PLCG2: variants seen among roughly 807,000 people sequenced by gnomAD.
The protein encoded by PLCG2 is 1-phosphatidylinositol 4,5-bisphosphate phosphodiesterase gamma-2.
A neutral mutation model predicts 175.6 loss-of-function variants in PLCG2; 69 were observed. The observed-to-expected ratio is 0.39, with a 90% CI of 0.32 to 0.48. PLCG2 has a LOEUF of 0.48. Among genes scored for constraint, PLCG2 ranks in the 20% least tolerant of loss-of-function variants. The pLI is 0.91. For synonymous variants in PLCG2, 827 were observed against 624.0 expected, an observed-to-expected ratio of 1.33 and a Z score of -4.85; for missense variants, 1,798 against 1,650.9, an observed-to-expected ratio of 1.09 and a Z score of -1.54.
chr16:81,867,383 T>C (rs1443259278), intron 5 of PLCG2, among the ~76,000 whole-genome samples: 1 of 152,204 alleles, frequency 6.6e-6, no homozygotes, highest in Non-Finnish European at 1.5e-5. Context: ...TCACTTCTCC[T>C]TCTTGTGTGA....
intron 2 of PLCG2, among the ~76,000 whole-genome samples, chr16:81,827,570 G>C (rs779725277): frequency 2.0e-4 from 30 of 152,050 alleles, no homozygotes; most frequent in Non-Finnish European, 3.1e-4. Context: ...AGCTGGATAG[G>C]TGACCTAAAT....
chr16:81,760,905 TTTTG>T (rs1027218497), intron 2 of PLCG2, among the ~76,000 whole-genome samples: 7 of 151,690 alleles, frequency 4.6e-5, no homozygotes, highest in South Asian at 2.1e-4. Context: ...GGCTTAAAAT[TTTTG>T]TTTGTTTGTT....
chr16:81,811,450 G>A (rs375351011), intron 2 of PLCG2, among the ~76,000 whole-genome samples: 1 of 152,108 alleles, frequency 6.6e-6, no homozygotes, highest in Non-Finnish European at 1.5e-5. Context: ...CTGGGAACTG[G>A]TTTCAGGATG....
intron 1 of PLCG2, among the ~76,000 whole-genome samples, chr16:81,782,252 G>A (rs1910770576): frequency 7.0e-6 from 1 of 143,546 alleles, no homozygotes; most frequent in African/African-American, 2.6e-5. Flanking sequence ...AAAACCTTTA[G>A]AAGGACATGA....
intron 5 of PLCG2, among the ~76,000 whole-genome samples, chr16:81,866,847 C>T (rs568873546): frequency 6.6e-6 from 1 of 152,254 alleles, no homozygotes; most frequent in Non-Finnish European, 1.5e-5. Flanking sequence ...TCCCACTGCT[C>T]CTCCACCTTC....
upstream of PLCG2, among the ~76,000 whole-genome samples, chr16:81,778,043 C>CAAAACAAACAAACAA (rs1910507588): frequency 1.1e-3 from 68 of 59,832 alleles, 1 homozygote; most frequent in Non-Finnish European, 1.9e-3. Flanking sequence ...AAAAAAAAAA[C>CAAAACAAACAAACAA]AAAAAAAAAA....
chr16:81,855,858 G>C (rs555429252), intron 3 of PLCG2, among the ~76,000 whole-genome samples: 2 of 152,280 alleles, frequency 1.3e-5, no homozygotes, highest in South Asian at 4.1e-4. Flanking sequence ...AGGAAATGAG[G>C]AGCGAATGTC....
At chr16:81,865,864 G>A (rs537671987) in intron 5 of PLCG2, among the ~76,000 whole-genome samples, 118 of 136,982 alleles carry the variant, frequency 8.6e-4, no homozygotes, top group African/African-American at 3.2e-3. Context: ...TCCAACTGGG[G>A]CACCAGCATG....
intron 19 of PLCG2, among the ~76,000 whole-genome samples, chr16:81,916,798 T>C (rs1597130442): frequency 6.6e-6 from 1 of 152,196 alleles, no homozygotes; most frequent in East Asian, 1.9e-4. Flanking sequence ...CCACCATGCC[T>C]GGCTAAGTTT....
chr16:81,885,571 CTT>C (rs1567516104), intron 9 of PLCG2, among the ~76,000 whole-genome samples: 1 of 152,208 alleles, frequency 6.6e-6, no homozygotes, highest in Admixed American at 6.5e-5. Flanking sequence ...AAACCCCAGA[CTT>C]TGCGTCATTT....
chr16:81,935,815 C>A, intron 26 of PLCG2: 1 of 985,348 alleles, frequency 1.0e-6, no homozygotes, highest in Non-Finnish European at 1.2e-6. Flanking sequence ...GGATCTTCCC[C>A]TCCCAAGATC....
chr16:81,854,357 G>C (rs1281327849), intron 2 of PLCG2, 87 bp from the exon 3 acceptor site: 1 of 1,231,626 alleles, frequency 8.1e-7, no homozygotes, highest in Non-Finnish European at 1.2e-6. Flanking sequence ...GAAGGAGCCA[G>C]GCTGTGCCTG....
At chr16:81,739,128 C>CA (rs1212948801) in exon 1 of PLCG2, 1 of 152,140 alleles carries the variant, frequency 6.6e-6, no homozygotes, top group South Asian at 2.1e-4. Context: ...CACTGGTACT[C>CA]AGTGTCTGGG....
intron 2 of PLCG2, among the ~76,000 whole-genome samples, chr16:81,760,880 T>G (rs1288123995): frequency 2.6e-5 from 4 of 151,920 alleles, no homozygotes; most frequent in African/African-American, 9.7e-5. Flanking sequence ...GCCTGTGCAA[T>G]ATAGTGAGAT....
intron 20 of PLCG2, among the ~76,000 whole-genome samples, chr16:81,920,443 A>G (rs1910014368): frequency 6.6e-6 from 1 of 152,252 alleles, no homozygotes; most frequent in Admixed American, 6.5e-5. Flanking sequence ...TTCAGGTAGC[A>G]TGAAATATAA....
chr16:81,776,072 T>TC (rs1211947584), upstream of PLCG2, among the ~76,000 whole-genome samples: 2 of 73,950 alleles, frequency 2.7e-5, no homozygotes, highest in African/African-American at 8.6e-5. Context: ...GAGTGGTTTC[T>TC]TTCTCTCTCT....
chr16:81,790,202 T>C (rs2143194868), intron 2 of PLCG2, among the ~76,000 whole-genome samples: 1 of 152,310 alleles, frequency 6.6e-6, no homozygotes, highest in East Asian at 1.9e-4. Context: ...GAACCACCAC[T>C]TTCAGGATGT....
At chr16:81,914,650 A>G (rs141349608) in intron 19 of PLCG2, among the ~76,000 whole-genome samples, 354 of 152,324 alleles carry the variant, frequency 2.3e-3, no homozygotes, top group African/African-American at 8.2e-3. Flanking sequence ...CCAGAGATGC[A>G]GGAGTGATAA....
intron 2 of PLCG2, among the ~76,000 whole-genome samples, chr16:81,805,783 G>GTTTTT (rs35014411): frequency 2.4e-5 from 2 of 82,928 alleles, no homozygotes; most frequent in African/African-American, 5.5e-5. Flanking sequence ...TTTTTTTTTT[G>GTTTTT]TTTTTTTTTT....
Sources: allele counts gnomAD v4.1 joint callset (sites outside exome capture counted in the v4.1 genomes callset), GRCh38; gene constraint gnomAD v4.1.1; transcripts MANE v1.5; gene names NCBI Gene and HGNC (gene_info 2026-07-23, HGNC 2026-07-21).